Variants in MARCHF1 observed in about 807,000 individuals in gnomAD.
MARCHF1 encodes E3 ubiquitin-protein ligase MARCHF1.
MARCHF1 carries 40 observed loss-of-function variants against 54.2 expected under a neutral mutation model. That is an observed-to-expected ratio of 0.74 (90% CI 0.57 to 0.96). The LOEUF (loss-of-function observed/expected upper bound fraction) is 0.96. Among genes scored for constraint, MARCHF1 ranks in the 40% least tolerant of loss-of-function variants. The pLI is 0.00. For synonymous variants in MARCHF1, 236 were observed against 236.3 expected, an observed-to-expected ratio of 1.00 and a Z score of 0.01; for missense variants, 586 against 656.5, an observed-to-expected ratio of 0.89 and a Z score of 1.17.
intron 2 of MARCHF1, among the ~76,000 whole-genome samples, chr4:164,061,002 T>C (rs575667168): frequency 6.6e-6 from 1 of 152,206 alleles, no homozygotes; most frequent in Non-Finnish European, 1.5e-5. Flanking sequence ...CTAACAATGG[T>C]TGTGCCATCA....
intron 3 of MARCHF1, among the ~76,000 whole-genome samples, chr4:163,901,850 C>G (rs1750949167): frequency 6.6e-6 from 1 of 152,180 alleles, no homozygotes; most frequent in Non-Finnish European, 1.5e-5. Flanking sequence ...ACAAATGTGG[C>G]TCTGCCTCAA....
At chr4:164,329,992 C>G (rs1399707526) in intron 1 of MARCHF1, 2 of 152,240 alleles carry the variant, frequency 1.3e-5, no homozygotes, top group Non-Finnish European at 2.9e-5. Flanking sequence ...TGCTCACCAA[C>G]CAATCTGCCA....
intron 3 of MARCHF1, among the ~76,000 whole-genome samples, chr4:163,865,589 C>G (rs942830165): frequency 2.0e-5 from 3 of 151,648 alleles, no homozygotes; most frequent in Non-Finnish European, 4.4e-5. Context: ...GAGTTGATTT[C>G]AAGAAAATTG....
chr4:163,994,904 T>C (rs980480494), intron 2 of MARCHF1, among the ~76,000 whole-genome samples: 1 of 152,038 alleles, frequency 6.6e-6, no homozygotes, highest in African/African-American at 2.4e-5. Flanking sequence ...ACTAGTTTTT[T>C]CAAGGAAAAA....
chr4:163,530,997 A>C (rs1413857681), intron 9 of MARCHF1, among the ~76,000 whole-genome samples: 1 of 151,912 alleles, frequency 6.6e-6, no homozygotes, highest in Non-Finnish European at 1.5e-5. Flanking sequence ...AATCAACCAT[A>C]ACCTTTCAGA....
rs151053618 is a variant in MARCHF1, at chr4:163,904,785, G to GACAGAGAC, written c.-38-50617_-38-50616insGTCTCTGT. Among the ~76,000 whole-genome samples, 3 of 9,908 alleles carry GACAGAGAC rather than the reference G, an allele frequency of 3.0e-4. No individual in the cohort carries two copies. In the Non-Finnish European group the frequency reaches 0.01, roughly 33 times the overall value. The allele number at this position is 9,908 out of a possible 152,430, so 6.5% of individuals were successfully genotyped here. ...AGAAAGAGACAGAGACAGAGACAGA[G>GACAGAGAC]AGAGAAAGAGAGAGAGAGAGAGACA... is the stretch of plus-strand genomic sequence containing the variant. On this transcript the variant is annotated intron_variant, in intron 3 of 9. Coordinates refer to ENST00000514618, the MANE Select transcript of MARCHF1 (RefSeq NM_001394959.1).
At chr4:164,158,620 G>A (rs1161501050) in intron 1 of MARCHF1, among the ~76,000 whole-genome samples, 1 of 152,082 alleles carries the variant, frequency 6.6e-6, no homozygotes, top group Admixed American at 6.5e-5. Flanking sequence ...CAGGCTGGGT[G>A]ACAGAGTGAG....
At chr4:163,727,946 C>T (rs965969671) in intron 4 of MARCHF1, among the ~76,000 whole-genome samples, 2 of 152,166 alleles carry the variant, frequency 1.3e-5, no homozygotes, top group African/African-American at 4.8e-5. Flanking sequence ...CTGGGCCTCT[C>T]AAAGTGCTGG....
At chr4:164,102,549 C>G (rs1329539349) in intron 2 of MARCHF1, among the ~76,000 whole-genome samples, 1 of 150,676 alleles carries the variant, frequency 6.6e-6, no homozygotes, top group Middle Eastern at 3.4e-3. Context: ...AAATCCTTTA[C>G]AGACAAGCAA....
intron 3 of MARCHF1, among the ~76,000 whole-genome samples, chr4:163,978,060 C>T (rs913250544): frequency 6.6e-6 from 1 of 152,104 alleles, no homozygotes; most frequent in Non-Finnish European, 1.5e-5. Flanking sequence ...GCTATAAATT[C>T]TTGATTCCAG....
chr4:163,713,335 A>C (rs1745163558), intron 4 of MARCHF1, among the ~76,000 whole-genome samples: 1 of 152,172 alleles, frequency 6.6e-6, no homozygotes, highest in South Asian at 2.1e-4. Context: ...TTCTACTAAT[A>C]AATAAAAAAT....
At chr4:164,005,178 T>C (rs1453508249) in intron 2 of MARCHF1, among the ~76,000 whole-genome samples, 2 of 152,060 alleles carry the variant, frequency 1.3e-5, no homozygotes, top group Non-Finnish European at 2.9e-5. Context: ...ATGATCAATT[T>C]TATGTCATTA....
chr4:164,077,809 T>A (rs2321212), intron 2 of MARCHF1, among the ~76,000 whole-genome samples: 74,478 of 151,954 alleles, frequency 0.49, 19,611 homozygotes, highest in Non-Finnish European at 0.6. Flanking sequence ...ATTAGAGAAA[T>A]GCAAATCAAA....
intron 1 of MARCHF1, among the ~76,000 whole-genome samples, chr4:164,218,675 G>A (rs755910461): frequency 5.2e-5 from 7 of 133,630 alleles, no homozygotes; most frequent in Non-Finnish European, 1.1e-4. Context: ...ACAGGAAGGG[G>A]AACATCACAC....
Position 164,045,371 on chromosome 4 carries a change from G to T in MARCHF1, c.-247-56662C>A, listed in dbSNP as rs562330035. ...TACCAAAAATACAAAAATTAGCTGGGCATGGTGGTAGTTGTCTGTAATCCC... is the reference window on the plus strand; with the variant it reads ...TACCAAAAATACAAAAATTAGCTGGTCATGGTGGTAGTTGTCTGTAATCCC... On this transcript the variant is annotated intron_variant, in intron 2 of 9. Transcript: ENST00000514618. Among the ~76,000 whole-genome samples the T allele has an allele frequency of 2.6e-5, 4 of 152,044 alleles. No individual in the cohort carries two copies. The South Asian group carries it at 8.3e-4, about 32-fold the overall frequency.
intron 5 of MARCHF1, among the ~76,000 whole-genome samples, chr4:163,652,598 T>G (rs750566333): frequency 2.0e-5 from 3 of 151,840 alleles, no homozygotes; most frequent in Non-Finnish European, 4.4e-5. Flanking sequence ...AGTAACACTG[T>G]GACATATAAC....
intron 5 of MARCHF1, among the ~76,000 whole-genome samples, chr4:163,633,854 G>A (rs563454318): frequency 2.6e-5 from 4 of 152,102 alleles, no homozygotes; most frequent in South Asian, 2.1e-4. Context: ...GAGAAAGGTC[G>A]GGTTACCCTC....
intron 2 of MARCHF1, among the ~76,000 whole-genome samples, chr4:164,090,561 T>C (rs1755277023): frequency 6.6e-6 from 1 of 152,118 alleles, no homozygotes; most frequent in East Asian, 1.9e-4. Context: ...TCTCTTTTTA[T>C]AGCTTCACAA....
rs1332294589 is a variant in MARCHF1 at position 163,838,358 on chromosome 4, G to A, written c.111+15663C>T. 5.3e-5 allele frequency among the ~76,000 whole-genome samples: 8 copies of A among 152,040 alleles called. No individual in the cohort carries two copies. The East Asian group carries it at 1.4e-3, about 26-fold the overall frequency. ...ATAGTTGTTATACCATATTTTTTAG[G>A]GAGTAATGGCAAGAAAAAAGGAGTC... On this transcript the variant is annotated intron_variant, in intron 4 of 9. Coordinates refer to ENST00000514618, the MANE Select transcript of MARCHF1 (RefSeq NM_001394959.1).
Sources: allele counts gnomAD v4.1 joint callset (sites outside exome capture counted in the v4.1 genomes callset), GRCh38; gene constraint gnomAD v4.1.1; transcripts MANE v1.5; gene names NCBI Gene and HGNC (gene_info 2026-07-23, HGNC 2026-07-21).